Variants in TMPRSS12 observed in about 807,000 individuals in gnomAD.
The protein encoded by TMPRSS12 is transmembrane protease serine 12.
In TMPRSS12, 25 loss-of-function variants were observed where a neutral mutation model predicts 26.0. That is an observed-to-expected ratio of 0.96 (90% CI 0.70 to 1.34). The LOEUF is 1.34. Among genes scored for constraint, TMPRSS12 ranks in the 40% most tolerant of loss-of-function variants. The probability of loss-of-function intolerance (pLI) is 0.00; values close to 1 mark genes in which losing one functional copy is unlikely to be tolerated. For synonymous variants in TMPRSS12, 150 were observed against 161.7 expected (o/e 0.93, Z 0.55); for missense variants, 441 against 440.1 (o/e 1.00, Z -0.02).
rs757347268 is a variant in TMPRSS12, at chr12:50,858,954, G to A, written c.553G>A (p.Asp185Asn). The change falls in exon 3 of 5, where the codon GAC becomes AAC. Residue 185 changes from aspartate (D) to asparagine (N), a missense_variant. Coordinates refer to ENST00000398458, the MANE Select transcript of TMPRSS12 (RefSeq NM_182559.3). ...FHLKKAVRYN[D>N]YIQPICLPFD... Reference sequence around the variant, plus strand: ...CTTAAAAAAAGCAGTGAGGTATAATGACTATATTCAGCCTATTTGCCTACC... The same window carrying A: ...CTTAAAAAAAGCAGTGAGGTATAATAACTATATTCAGCCTATTTGCCTACC... The A allele has an allele frequency of 1.9e-6, 3 of 1,592,048 alleles. No homozygotes were observed. The highest frequency in any genetic ancestry group is 2.6e-6 in the Non-Finnish European group (3 of 1,168,054).
intron 3 of TMPRSS12, among the ~76,000 whole-genome samples, chr12:50,884,168 T>A (rs188859345): frequency 5.9e-5 from 9 of 152,334 alleles, no homozygotes; most frequent in Admixed American, 3.3e-4. Flanking sequence ...TTAAGGTTAA[T>A]GACCTCTAAC....
At chr12:50,849,738 A>G (rs1937807344) in intron 2 of TMPRSS12, among the ~76,000 whole-genome samples, 2 of 151,972 alleles carry the variant, frequency 1.3e-5, no homozygotes, top group South Asian at 4.1e-4. Context: ...AAAAAAAAAA[A>G]GACAAAAATA....
chr12:50,883,218 C>A (rs780866025), intron 3 of TMPRSS12, among the ~76,000 whole-genome samples: 1 of 152,156 alleles, frequency 6.6e-6, no homozygotes, highest in Non-Finnish European at 1.5e-5. Context: ...GTAGTCCTAG[C>A]TACTCAAGAG....
At chr12:50,866,802 C>T (rs988818638) in intron 3 of TMPRSS12, among the ~76,000 whole-genome samples, 6 of 152,278 alleles carry the variant, frequency 3.9e-5, no homozygotes, top group South Asian at 2.1e-4. Context: ...GTTCACATCA[C>T]GGGACTCTGT....
intron 2 of TMPRSS12, among the ~76,000 whole-genome samples, chr12:50,850,017 G>A (rs1054591386): frequency 6.6e-6 from 1 of 152,040 alleles, no homozygotes; most frequent in Non-Finnish European, 1.5e-5. Flanking sequence ...AGCCTTATGA[G>A]TTTGGTTTCA....
intron 3 of TMPRSS12, among the ~76,000 whole-genome samples, chr12:50,877,528 AAT>A (rs1382892752): frequency 1.2e-4 from 19 of 152,376 alleles, no homozygotes; most frequent in African/African-American, 4.1e-4. Flanking sequence ...GACAAAAATC[AAT>A]ATGTCTATAC....
chr12:50,858,835 G>T lies in TMPRSS12; in HGVS notation c.434G>T (p.Arg145Leu). Residue 145 changes from arginine (R) to leucine (L), a missense_variant, in exon 3 of 5, where the codon CGC becomes CTC. Physicochemically the swap from Arg to Leu is moderately radical, Grantham distance 102 (BLOSUM62 -2). Coordinates refer to ENST00000398458, the MANE Select transcript of TMPRSS12 (RefSeq NM_182559.3). Reference sequence around the variant, plus strand: ...ATTGGAACTAATAATATACATGGACGCTATCCTCATACCAAGAAGATAAAA... The same window carrying T: ...ATTGGAACTAATAATATACATGGACTCTATCCTCATACCAAGAAGATAAAA... ...AVIGTNNIHG[R>L]YPHTKKIKIK... The T allele has an allele frequency of 6.2e-7, 1 of 1,608,950 alleles. No homozygotes were observed. Among genetic ancestry groups the T allele is most frequent in the Non-Finnish European group, 8.5e-7 (1 of 1,177,342 alleles).
chr12:50,871,322 A>G (rs571140511), intron 3 of TMPRSS12, among the ~76,000 whole-genome samples: 1 of 152,340 alleles, frequency 6.6e-6, no homozygotes, highest in African/African-American at 2.4e-5. Flanking sequence ...TCTTCAACAA[A>G]GCAAACAAAA....
At chr12:50,876,023 C>A (rs1938109795) in intron 3 of TMPRSS12, among the ~76,000 whole-genome samples, 2 of 152,176 alleles carry the variant, frequency 1.3e-5, no homozygotes, top group South Asian at 4.1e-4. Context: ...GGTCTACTAT[C>A]CAGGATCTAT....
In TMPRSS12 at chr12:50,887,279, A is replaced by ATT; in HGVS notation, c.814_815dup (p.Leu272PhefsTer2). 6.2e-7 allele frequency: 1 copy of ATT among 1,613,842 alleles called. No individual in the cohort carries two copies. Among genetic ancestry groups the ATT allele is most frequent in the Non-Finnish European group, 8.5e-7 (1 of 1,179,850 alleles). ...TTTGACAGGGTGACAGTGGGGGACC[A>ATT]TTAATGTGCTACTTACCAGAATATA... is the stretch of plus-strand genomic sequence containing the variant. On this transcript the variant is annotated frameshift_variant, in exon 5 of 5. Transcript: ENST00000398458. LOFTEE classifies it low-confidence loss of function (END_TRUNC).
intron 3 of TMPRSS12, among the ~76,000 whole-genome samples, chr12:50,876,803 C>CAA (rs35311314): frequency 0.26 from 19,334 of 75,180 alleles, 3,072 homozygotes; most frequent in East Asian, 0.42. Context: ...GACTCTGTCT[C>CAA]AAAAAAAAAA....
Position 50,843,171 on chromosome 12 carries a change from G to GTC in TMPRSS12, c.187+24_187+25dup, listed in dbSNP as rs1374853601. The GTC allele has an allele frequency of 6.5e-7, 1 of 1,533,806 alleles. No individual in the cohort carries two copies. The highest frequency in any genetic ancestry group is 8.8e-7 in the Non-Finnish European group (1 of 1,137,686). ...CAGAGGGCAGTACCTGTTCGTGCCTGTCTCTGGGGAGCCTCTCTTACCTTT... is the reference window on the plus strand; with the variant it reads ...CAGAGGGCAGTACCTGTTCGTGCCTGTCTCTCTGGGGAGCCTCTCTTACCTTT... On this transcript the variant is annotated intron_variant, in intron 1 of 4. Coordinates refer to ENST00000398458, the MANE Select transcript of TMPRSS12 (RefSeq NM_182559.3).
At chr12:50,860,261 T>TA (rs1173808981) in intron 3 of TMPRSS12, among the ~76,000 whole-genome samples, 7 of 152,170 alleles carry the variant, frequency 4.6e-5, no homozygotes, top group Admixed American at 1.3e-4. Context: ...TTGCGATATA[T>TA]TTTTTTAGTG....
At chr12:50,856,080 AAACT>A (rs1937873886) in intron 2 of TMPRSS12, among the ~76,000 whole-genome samples, 1 of 152,188 alleles carries the variant, frequency 6.6e-6, no homozygotes, top group South Asian at 2.1e-4. Flanking sequence ...GTGGATTGAA[AAACT>A]AACTATTGGG....
chr12:50,880,521 G>T (rs1373670893), intron 3 of TMPRSS12, among the ~76,000 whole-genome samples: 1 of 152,184 alleles, frequency 6.6e-6, no homozygotes, highest in Non-Finnish European at 1.5e-5. Flanking sequence ...CTTATACATT[G>T]CTGAGGAGAA....
chr12:50,871,979 C>G (rs924570891), intron 3 of TMPRSS12, among the ~76,000 whole-genome samples: 1 of 151,676 alleles, frequency 6.6e-6, no homozygotes, highest in Non-Finnish European at 1.5e-5. Context: ...GGGAATGCTT[C>G]TACACTGCTG....
intron 3 of TMPRSS12, among the ~76,000 whole-genome samples, chr12:50,882,966 A>G (rs1349635141): frequency 1.3e-5 from 2 of 152,188 alleles, no homozygotes; most frequent in Non-Finnish European, 2.9e-5. Flanking sequence ...AGAAAGCCCA[A>G]CGTTATAAAT....
chr12:50,850,722 CCTG>C (rs1417246156), intron 2 of TMPRSS12, among the ~76,000 whole-genome samples: 4 of 152,196 alleles, frequency 2.6e-5, no homozygotes, highest in Non-Finnish European at 5.9e-5. Context: ...GCACTGCTGC[CCTG>C]CTACTGCTGG....
chr12:50,879,533 A>G (rs777116267), intron 3 of TMPRSS12, among the ~76,000 whole-genome samples: 3 of 152,158 alleles, frequency 2.0e-5, no homozygotes, highest in African/African-American at 4.8e-5. Context: ...TTTCAATATG[A>G]TATTAGTAAT....
Sources: allele counts gnomAD v4.1 joint callset (sites outside exome capture counted in the v4.1 genomes callset), GRCh38; gene constraint gnomAD v4.1.1; transcripts MANE v1.5; gene names NCBI Gene and HGNC (gene_info 2026-07-23, HGNC 2026-07-21).